The following LOC128125817 variants were observed in gnomAD, a reference collection of about 807,000 sequenced individuals.
At chr1:41,590,460 CTCCATTTTG>C in the LOC128125817 span, among the ~76,000 whole-genome samples, 3 of 152,202 alleles carry the variant, frequency 2.0e-5, no homozygotes, top group African/African-American at 7.2e-5. Flanking sequence ...CCCTCCACCT[CTCCATTTTG>C]TCAGGAAGGA....
chr1:41,617,650 T>C, the LOC128125817 span, among the ~76,000 whole-genome samples: 1 of 152,206 alleles, frequency 6.6e-6, no homozygotes, highest in Admixed American at 6.5e-5. Flanking sequence ...ACAGGAGATA[T>C]CAACAGTGTT....
At chr1:41,586,660 T>C in the LOC128125817 span, among the ~76,000 whole-genome samples, 1 of 152,172 alleles carries the variant, frequency 6.6e-6, no homozygotes, top group Non-Finnish European at 1.5e-5. Flanking sequence ...TTTTTGCAGG[T>C]GCTCAGAAGA....
the LOC128125817 span, among the ~76,000 whole-genome samples, chr1:41,613,207 T>C: frequency 1.3e-5 from 2 of 152,258 alleles, no homozygotes; most frequent in Non-Finnish European, 2.9e-5. Context: ...CCAATAGGCT[T>C]TGGCCTGAGT....
the LOC128125817 span, among the ~76,000 whole-genome samples, chr1:41,597,019 G>A: frequency 6.6e-6 from 1 of 152,078 alleles, no homozygotes; most frequent in African/African-American, 2.4e-5. Flanking sequence ...CACTGTCTGG[G>A]AGGCTCTTAA....
the LOC128125817 span, among the ~76,000 whole-genome samples, chr1:41,605,371 A>ACG: frequency 0.044 from 5,508 of 126,482 alleles, 120 homozygotes; most frequent in South Asian, 0.1. Context: ...ACACACGCAC[A>ACG]CGCGCACACA....
chr1:41,608,040 C>G, the LOC128125817 span, among the ~76,000 whole-genome samples: 1 of 152,226 alleles, frequency 6.6e-6, no homozygotes, highest in Non-Finnish European at 1.5e-5. Flanking sequence ...TAGTGTTTAG[C>G]TGAGTGGCTG....
the LOC128125817 span, among the ~76,000 whole-genome samples, chr1:41,624,054 T>A: frequency 0.77 from 116,955 of 152,068 alleles, 45,840 homozygotes; most frequent in East Asian, 1. Context: ...GCTAGGAGAC[T>A]TCCCAAGCCT....
the LOC128125817 span, among the ~76,000 whole-genome samples, chr1:41,610,550 G>T: frequency 4.6e-5 from 7 of 152,166 alleles, no homozygotes; most frequent in African/African-American, 1.7e-4. Context: ...AGGCCAGAGA[G>T]GGACGGTTCC....
chr1:41,624,024 G>A, the LOC128125817 span, among the ~76,000 whole-genome samples: 1 of 152,208 alleles, frequency 6.6e-6, no homozygotes, highest in Non-Finnish European at 1.5e-5. Flanking sequence ...CCCAGGAGCT[G>A]AGTTTGCTCA....
the LOC128125817 span, among the ~76,000 whole-genome samples, chr1:41,601,584 G>C: frequency 6.6e-6 from 1 of 152,114 alleles, no homozygotes; most frequent in East Asian, 1.9e-4. Context: ...ACTGATTTTT[G>C]TAAATGATTT....
At chr1:41,596,370 A>T in the LOC128125817 span, among the ~76,000 whole-genome samples, 1 of 152,144 alleles carries the variant, frequency 6.6e-6, no homozygotes, top group Non-Finnish European at 1.5e-5. Flanking sequence ...AACAGGCACA[A>T]CCTAGAGTCC....
chr1:41,599,052 A>G, the LOC128125817 span, among the ~76,000 whole-genome samples: 1 of 152,122 alleles, frequency 6.6e-6, no homozygotes, highest in African/African-American at 2.4e-5. Context: ...CCTGGGCTCA[A>G]GTGATCCACC....
chr1:41,628,615 A>G, the LOC128125817 span: 132 of 702,234 alleles, frequency 1.9e-4, no homozygotes, highest in Middle Eastern at 4.1e-3. Context: ...ACTTTCACAG[A>G]GGCACCAGAA....
chr1:41,585,874 G>A, the LOC128125817 span, among the ~76,000 whole-genome samples: 1 of 152,150 alleles, frequency 6.6e-6, no homozygotes, highest in Admixed American at 6.5e-5. Context: ...TTTCCAAGGG[G>A]TAGATTATTC....
the LOC128125817 span, among the ~76,000 whole-genome samples, chr1:41,587,534 T>G: frequency 6.6e-6 from 1 of 152,224 alleles, no homozygotes; most frequent in African/African-American, 2.4e-5. Flanking sequence ...ACAAAATGGT[T>G]ACCCTTACAA....
chr1:41,595,826 C>A, the LOC128125817 span, among the ~76,000 whole-genome samples: 1 of 152,154 alleles, frequency 6.6e-6, no homozygotes. Context: ...ATGCTTCCTG[C>A]CCTCAAACAT....
At chr1:41,585,420 A>C in the LOC128125817 span, 5 of 398,306 alleles carry the variant, frequency 1.3e-5, no homozygotes, top group Non-Finnish European at 2.2e-5. Flanking sequence ...ACTCGGTGCC[A>C]CACCTGGCTG....
At chr1:41,589,771 A>G in the LOC128125817 span, among the ~76,000 whole-genome samples, 1 of 152,220 alleles carries the variant, frequency 6.6e-6, no homozygotes, top group Non-Finnish European at 1.5e-5. Flanking sequence ...AGCTGGCCCC[A>G]GGCTGGTGGG....
At chr1:41,606,039 T>C in the LOC128125817 span, among the ~76,000 whole-genome samples, 8 of 152,016 alleles carry the variant, frequency 5.3e-5, no homozygotes, top group Non-Finnish European at 8.8e-5. Flanking sequence ...TCTCAAATTA[T>C]TAATCTCTCT....
Sources: gnomAD v4.1 joint callset for allele counts (sites outside exome capture counted in the v4.1 genomes callset) on GRCh38, gnomAD v4.1.1 for gene constraint, MANE v1.5 for transcripts.